The following MEF2C variants were observed in gnomAD, a reference collection of about 807,000 sequenced individuals.
MEF2C encodes the protein myocyte-specific enhancer factor 2C.
In MEF2C, 6 loss-of-function variants were observed where a neutral mutation model predicts 50.5. That is an observed-to-expected ratio of 0.12 (90% CI 0.07 to 0.23). The LOEUF is 0.23. Among genes scored for constraint, MEF2C ranks in the 10% least tolerant of loss-of-function variants. The pLI, the probability that MEF2C is intolerant of heterozygous loss-of-function variation, is 1.00. For synonymous variants in MEF2C, 183 were observed against 228.0 expected, an observed-to-expected ratio of 0.80 and a Z score of 1.78; for missense variants, 276 against 605.0, an observed-to-expected ratio of 0.46 and a Z score of 5.70.
At chr5:88,810,504 T>A (rs1457875344) in intron 2 of MEF2C, among the ~76,000 whole-genome samples, 3 of 146,710 alleles carry the variant, frequency 2.0e-5, no homozygotes, top group African/African-American at 7.8e-5. Flanking sequence ...ATGGGGAGGA[T>A]CCATGGGTTC....
At chr5:88,792,371 G>A (rs754712616) in intron 3 of MEF2C, among the ~76,000 whole-genome samples, 3 of 152,124 alleles carry the variant, frequency 2.0e-5, no homozygotes, top group South Asian at 2.1e-4. Context: ...GGGGTAAAGT[G>A]TGCTTTTAGT....
chr5:88,782,774 C>T (rs1035674326), intron 3 of MEF2C, among the ~76,000 whole-genome samples: 2 of 152,170 alleles, frequency 1.3e-5, no homozygotes, highest in African/African-American at 4.8e-5. Context: ...TCTTTTCCAG[C>T]GGAACCTCTC....
intron 4 of MEF2C, among the ~76,000 whole-genome samples, chr5:88,758,137 T>G (rs1001954220): frequency 2.0e-5 from 3 of 152,204 alleles, no homozygotes; most frequent in Non-Finnish European, 4.4e-5. Context: ...CTCCTCTGCA[T>G]GTAAATAATC....
intron 2 of MEF2C, among the ~76,000 whole-genome samples, chr5:88,814,506 G>A (rs1804430415): frequency 6.6e-6 from 1 of 151,986 alleles, no homozygotes; most frequent in African/African-American, 2.4e-5. Context: ...TATTGTCCTC[G>A]TTAGCCTCAA....
At chr5:88,874,472 A>G (rs1336898177) in intron 1 of MEF2C, among the ~76,000 whole-genome samples, 2 of 152,030 alleles carry the variant, frequency 1.3e-5, no homozygotes, top group African/African-American at 2.4e-5. Flanking sequence ...ATTAGCATTT[A>G]CAAAACAAAG....
chr5:88,808,993 T>C (rs2153103251), intron 2 of MEF2C, among the ~76,000 whole-genome samples: 1 of 152,274 alleles, frequency 6.6e-6, no homozygotes, highest in South Asian at 2.1e-4. Context: ...TTTTCCAGTA[T>C]TTACATAAGT....
chr5:88,729,071 T>C (rs1760252242), intron 9 of MEF2C, 147 bp downstream of exon 9: 3 of 804,318 alleles, frequency 3.7e-6, no homozygotes, highest in Non-Finnish European at 5.6e-6. Flanking sequence ...ATTCACTTTG[T>C]CTTAGTGAAG....
intron 3 of MEF2C, among the ~76,000 whole-genome samples, chr5:88,796,134 C>T (rs1795940169): frequency 6.6e-6 from 1 of 152,146 alleles, no homozygotes; most frequent in African/African-American, 2.4e-5. Flanking sequence ...GTTTTGGCAA[C>T]AGGATGATGC....
chr5:88,821,031 G>A (rs1268242702), intron 2 of MEF2C, among the ~76,000 whole-genome samples: 1 of 151,832 alleles, frequency 6.6e-6, no homozygotes, highest in Non-Finnish European at 1.5e-5. Flanking sequence ...CTAAAGACTG[G>A]AGAAAAGAAT....
chr5:88,731,258 T>G (rs1256501521), intron 7 of MEF2C, among the ~76,000 whole-genome samples: 1 of 152,160 alleles, frequency 6.6e-6, no homozygotes, highest in Non-Finnish European at 1.5e-5. Flanking sequence ...TTGCAATACA[T>G]CTAAGAAAGG....
At chr5:88,818,933 C>T (rs117697232) in intron 2 of MEF2C, among the ~76,000 whole-genome samples, 2 of 152,078 alleles carry the variant, frequency 1.3e-5, no homozygotes, top group East Asian at 3.9e-4. Flanking sequence ...ATAGGAATAG[C>T]TAATAGGTAA....
intron 1 of MEF2C, among the ~76,000 whole-genome samples, chr5:88,898,875 C>G (rs1298827637): frequency 1.3e-5 from 2 of 152,052 alleles, no homozygotes; most frequent in Non-Finnish European, 2.9e-5. Flanking sequence ...TCATACATAA[C>G]CTAAATACCT....
intron 3 of MEF2C, among the ~76,000 whole-genome samples, chr5:88,797,581 G>T (rs1430236511): frequency 6.7e-6 from 1 of 149,730 alleles, no homozygotes; most frequent in Non-Finnish European, 1.5e-5. Context: ...GCACACAGAT[G>T]GGTCTTGACT....
intron 6 of MEF2C, chr5:88,744,235 A>G: frequency 2.8e-6 from 2 of 720,444 alleles, no homozygotes; most frequent in Non-Finnish European, 3.4e-6. Flanking sequence ...ACCATCATCA[A>G]TAACCACTCA....
intron 1 of MEF2C, among the ~76,000 whole-genome samples, chr5:88,896,493 CAG>C (rs1487130491): frequency 4.6e-5 from 7 of 152,314 alleles, no homozygotes; most frequent in Admixed American, 2.6e-4. Flanking sequence ...GGTTTAGGGA[CAG>C]AGGGCAAATT....
intron 8 of MEF2C, among the ~76,000 whole-genome samples, chr5:88,729,920 T>C (rs1760712943): frequency 6.6e-6 from 1 of 152,158 alleles, no homozygotes; most frequent in African/African-American, 2.4e-5. Context: ...CATGAGACTT[T>C]AATTCCCAGA....
rs1064796969 is a variant in MEF2C at position 88,729,241 on chromosome 5, G to C, written c.941C>G (p.Ala314Gly). 2 of 1,613,170 alleles carry C rather than the reference G, an allele frequency of 1.2e-6. No individual in the cohort carries two copies. Among genetic ancestry groups the C allele is most frequent in the Non-Finnish European group, 1.7e-6 (2 of 1,179,372 alleles). Residue 314 changes from alanine to glycine, a missense_variant, in exon 9 of 11, where the codon GCC becomes GGC. Ala to Gly is a moderately conservative substitution (Grantham distance 60, BLOSUM62 0). This residue lies in a region of MEF2C where 256 missense variants were observed against 468.1 expected (regional missense o/e 0.55). Transcript: ENST00000504921. ...ACCGGTACCATATGTTGTTGAAATGGCTGATGGATATCCTCCCATTCCTTG... is the reference window on the plus strand; with the variant it reads ...ACCGGTACCATATGTTGTTGAAATGCCTGATGGATATCCTCCCATTCCTTG... ...PGQGMGGYPS[A>G]ISTTYGTEYS...
intron 3 of MEF2C, chr5:88,761,789 G>A (rs1318181590): frequency 1.2e-5 from 2 of 162,856 alleles, no homozygotes; most frequent in Non-Finnish European, 2.7e-5. Context: ...GTTGGCATTA[G>A]TGGTGTCCTG....
intron 1 of MEF2C, chr5:88,839,351 C>CTATATCTA (rs1554040261): frequency 2.3e-4 from 34 of 146,400 alleles, no homozygotes; most frequent in African/African-American, 8.9e-4. Context: ...CTCTCTCTCT[C>CTATATCTA]TCTATCTATC....
Sources: gnomAD v4.1 joint callset for allele counts (sites outside exome capture counted in the v4.1 genomes callset) on GRCh38, gnomAD v4.1.1 for gene constraint, gnomAD v4.1.1 regional missense constraint, MANE v1.5 for transcripts, NCBI Gene and HGNC (gene_info 2026-07-23, HGNC 2026-07-21) for gene names.